Variants in CDC42SE2 observed in about 807,000 individuals in gnomAD.
CDC42SE2 encodes CDC42 small effector protein 2.
Under a neutral mutation model 11.5 loss-of-function variants are expected in CDC42SE2, and 3 were observed. The ratio of observed to expected loss-of-function variants is 0.26; its 90% CI spans 0.12 to 0.67. The LOEUF is 0.67. Ranked by LOEUF, CDC42SE2 falls within the 30% of genes least tolerant of loss-of-function variation. The probability of loss-of-function intolerance (pLI) is 0.80; values close to 1 mark genes in which losing one functional copy is unlikely to be tolerated. For synonymous variants in CDC42SE2, 33 were observed against 34.8 expected (o/e 0.95, Z 0.18); for missense variants, 82 against 106.8 (o/e 0.77, Z 1.02).
upstream of CDC42SE2, among the ~76,000 whole-genome samples, chr5:131,262,413 A>AT (rs971116631): frequency 1.8e-5 from 2 of 111,892 alleles, no homozygotes; most frequent in African/African-American, 1.5e-4. Flanking sequence ...AAAATTTAAA[A>AT]TAAAAAAAAT....
chr5:131,388,055 T>G (rs1309341371), intron 4 of CDC42SE2, among the ~76,000 whole-genome samples: 3 of 152,122 alleles, frequency 2.0e-5, no homozygotes, highest in Non-Finnish European at 4.4e-5. Flanking sequence ...TGGAGTGCAG[T>G]GGTGCAATCT....
At chr5:131,348,360 G>C (rs1288104066) in intron 2 of CDC42SE2, among the ~76,000 whole-genome samples, 2 of 151,378 alleles carry the variant, frequency 1.3e-5, no homozygotes, top group African/African-American at 2.4e-5. Flanking sequence ...AACAGACAGA[G>C]AGCCAAATCA....
chr5:131,329,905 A>G (rs2149740514), intron 2 of CDC42SE2, among the ~76,000 whole-genome samples: 1 of 106,914 alleles, frequency 9.4e-6, no homozygotes, highest in African/African-American at 3.8e-5. Context: ...AAAAAAAAAA[A>G]AAAAAAAAAA....
At chr5:131,230,510 A>C in the CDC42SE2 span, among the ~76,000 whole-genome samples, 6 of 152,348 alleles carry the variant, frequency 3.9e-5, no homozygotes, top group African/African-American at 7.2e-5. Context: ...GAGCAGCTGC[A>C]GCACAGCTAT....
chr5:131,388,603 A>G (rs1412806695), intron 4 of CDC42SE2, among the ~76,000 whole-genome samples: 1 of 152,226 alleles, frequency 6.6e-6, no homozygotes, highest in Non-Finnish European at 1.5e-5. Flanking sequence ...CTTTCCAGAA[A>G]AGATTTCCGT....
intron 2 of CDC42SE2, among the ~76,000 whole-genome samples, chr5:131,328,665 A>T (rs946943394): frequency 6.6e-6 from 1 of 152,198 alleles, no homozygotes; most frequent in Admixed American, 6.5e-5. Flanking sequence ...TTCAGATGGC[A>T]TAAGTTGTTT....
chr5:131,270,497 G>A (rs1756971316), intron 1 of CDC42SE2, among the ~76,000 whole-genome samples: 1 of 152,166 alleles, frequency 6.6e-6, no homozygotes, highest in African/African-American at 2.4e-5. Flanking sequence ...TCAACATTGT[G>A]TATGTTTTAC....
intron 1 of CDC42SE2, among the ~76,000 whole-genome samples, chr5:131,308,112 G>A (rs1757818225): frequency 2.0e-5 from 3 of 152,026 alleles, no homozygotes; most frequent in Admixed American, 2.0e-4. Context: ...ATCTTGAATT[G>A]ATTTTTGTAT....
intron 1 of CDC42SE2, among the ~76,000 whole-genome samples, chr5:131,299,344 A>G (rs776534414): frequency 1.3e-5 from 2 of 152,142 alleles, no homozygotes; most frequent in Non-Finnish European, 2.9e-5. Flanking sequence ...GTATTCGTTG[A>G]GAGATGATGG....
intron 2 of CDC42SE2, among the ~76,000 whole-genome samples, chr5:131,332,462 T>C (rs1758441685): frequency 6.6e-6 from 1 of 152,188 alleles, no homozygotes; most frequent in South Asian, 2.1e-4. Context: ...GCATGATTTA[T>C]AATCCTTTGG....
intron 2 of CDC42SE2, among the ~76,000 whole-genome samples, chr5:131,351,519 G>A (rs945697489): frequency 1.3e-5 from 2 of 152,148 alleles, no homozygotes; most frequent in African/African-American, 4.8e-5. Context: ...CTCCCAAAGT[G>A]TTGGGATTAC....
intron 2 of CDC42SE2, among the ~76,000 whole-genome samples, chr5:131,322,324 A>G (rs1007165643): frequency 6.6e-6 from 1 of 152,084 alleles, no homozygotes; most frequent in Non-Finnish European, 1.5e-5. Context: ...ACAAATTTTC[A>G]TTTCTCCCTA....
intron 3 of CDC42SE2, among the ~76,000 whole-genome samples, chr5:131,360,816 C>T (rs916343290): frequency 6.6e-6 from 1 of 152,094 alleles, no homozygotes; most frequent in Non-Finnish European, 1.5e-5. Flanking sequence ...TCACCTGCCT[C>T]GGCCTCCCAA....
intron 1 of CDC42SE2, among the ~76,000 whole-genome samples, chr5:131,274,836 T>G (rs915738757): frequency 2.0e-5 from 3 of 152,158 alleles, no homozygotes; most frequent in Non-Finnish European, 4.4e-5. Flanking sequence ...TTTTATTCAC[T>G]GCAGAATCCC....
At chr5:131,302,353 A>G (rs1757701723) in intron 1 of CDC42SE2, among the ~76,000 whole-genome samples, 2 of 151,988 alleles carry the variant, frequency 1.3e-5, no homozygotes, top group African/African-American at 4.8e-5. Flanking sequence ...CTATTTTTGT[A>G]TTTTTAGTAG....
intron 3 of CDC42SE2, among the ~76,000 whole-genome samples, chr5:131,383,488 T>A (rs1186839901): frequency 6.6e-6 from 1 of 152,206 alleles, no homozygotes; most frequent in Non-Finnish European, 1.5e-5. Context: ...GTTATAGACT[T>A]ATAATTTATA....
upstream of CDC42SE2, among the ~76,000 whole-genome samples, chr5:131,260,351 G>A (rs1444526113): frequency 6.6e-6 from 1 of 152,194 alleles, no homozygotes; most frequent in Non-Finnish European, 1.5e-5. Context: ...GGCTGGGCAC[G>A]GTGGCTCCCG....
chr5:131,329,899 AAAAAAAAAAAAAAAAAAAAAAAAG>A (rs1561586620), intron 2 of CDC42SE2, among the ~76,000 whole-genome samples: 3 of 49,320 alleles, frequency 6.1e-5, no homozygotes, highest in African/African-American at 7.7e-4. Context: ...AAAAAAAAAA[AAAAAAAAAAAAAAAAAAAAAAAAG>A]AAGAAGCGCT....
At chr5:131,260,624 CAAAA>C (rs34035270), upstream of CDC42SE2, among the ~76,000 whole-genome samples, 2 of 96,376 alleles carry the variant, frequency 2.1e-5, no homozygotes, top group Non-Finnish European at 2.1e-5. Flanking sequence ...GACGCTCTCT[CAAAA>C]AAAAAAAAAA....
Sources: gnomAD v4.1 joint callset for allele counts (sites outside exome capture counted in the v4.1 genomes callset) on GRCh38, gnomAD v4.1.1 for gene constraint, MANE v1.5 for transcripts, NCBI Gene and HGNC (gene_info 2026-07-23, HGNC 2026-07-21) for gene names.